NCKAP5: variants seen among roughly 807,000 people sequenced by gnomAD.
The protein encoded by NCKAP5 is nck-associated protein 5.
NCKAP5 carries 92 observed loss-of-function variants against 167.0 expected under a neutral mutation model. The observed-to-expected ratio is 0.55, with a 90% CI of 0.47 to 0.66. The LOEUF is 0.66. Among genes scored for constraint, NCKAP5 ranks in the 30% least tolerant of loss-of-function variants. The pLI, the probability that NCKAP5 is intolerant of heterozygous loss-of-function variation, is 0.00. For synonymous variants in NCKAP5, 891 were observed against 877.4 expected (o/e 1.02, Z -0.27); for missense variants, 2,378 against 2,315.0 (o/e 1.03, Z -0.56).
chr2:133,113,855 G>C (rs1464945699), intron 6 of NCKAP5, among the ~76,000 whole-genome samples: 1 of 152,150 alleles, frequency 6.6e-6, no homozygotes, highest in Non-Finnish European at 1.5e-5. Flanking sequence ...AGAAGAAAGG[G>C]AGCCAACCAA....
chr2:132,999,069 A>AG (rs1367664064), intron 6 of NCKAP5, among the ~76,000 whole-genome samples: 2 of 152,228 alleles, frequency 1.3e-5, no homozygotes, highest in African/African-American at 2.4e-5. Flanking sequence ...CATCAAGTGA[A>AG]CTATTTTTAA....
At chr2:132,675,563 A>C (rs1684329041) in intron 19 of NCKAP5, among the ~76,000 whole-genome samples, 1 of 152,160 alleles carries the variant, frequency 6.6e-6, no homozygotes, top group African/African-American at 2.4e-5. Flanking sequence ...GAGGGCCAGC[A>C]ATCAGTTTTT....
intron 3 of NCKAP5, among the ~76,000 whole-genome samples, chr2:133,449,623 A>G (rs1426154251): frequency 6.6e-6 from 1 of 152,192 alleles, no homozygotes; most frequent in South Asian, 2.1e-4. Context: ...TTTTAATGAT[A>G]TGACTCTTCA....
chr2:133,073,939 T>C, intron 6 of NCKAP5, among the ~76,000 whole-genome samples: 1 of 152,216 alleles, frequency 6.6e-6, no homozygotes. Flanking sequence ...TGGCTGCAAC[T>C]TAAGACTAGT....
intron 16 of NCKAP5, among the ~76,000 whole-genome samples, chr2:132,768,636 T>C (rs1224941008): frequency 4.4e-5 from 6 of 135,990 alleles, no homozygotes; most frequent in South Asian, 2.4e-4. Context: ...GTTAATAATA[T>C]CTTTTTTTTT....
chr2:133,144,566 T>C (rs1174388610), intron 5 of NCKAP5, among the ~76,000 whole-genome samples: 2 of 152,118 alleles, frequency 1.3e-5, no homozygotes, highest in Non-Finnish European at 2.9e-5. Context: ...TTAATGAAAC[T>C]GTAGCTACTG....
chr2:132,995,759 G>A (rs1169145016), intron 6 of NCKAP5, among the ~76,000 whole-genome samples: 2 of 152,090 alleles, frequency 1.3e-5, no homozygotes, highest in Non-Finnish European at 2.9e-5. Context: ...TGGATCACCT[G>A]AGGTCATGAG....
At chr2:133,071,163 C>G (rs748153472) in intron 6 of NCKAP5, among the ~76,000 whole-genome samples, 60 of 152,142 alleles carry the variant, frequency 3.9e-4, no homozygotes, top group Non-Finnish European at 7.2e-4. Flanking sequence ...CAGGGAACAA[C>G]AGAAAAGTAA....
intron 6 of NCKAP5, among the ~76,000 whole-genome samples, chr2:133,074,828 C>T (rs2080544224): frequency 6.6e-6 from 1 of 152,108 alleles, no homozygotes; most frequent in South Asian, 2.1e-4. Flanking sequence ...AATATGGTCT[C>T]AGAGACCTAT....
At chr2:132,839,865 C>A (rs2105415790) in intron 11 of NCKAP5, among the ~76,000 whole-genome samples, 1 of 148,012 alleles carries the variant, frequency 6.8e-6, no homozygotes, top group African/African-American at 2.5e-5. Flanking sequence ...GTATATTATA[C>A]ATTTTCTATA....
intron 4 of NCKAP5, among the ~76,000 whole-genome samples, chr2:133,239,819 C>A (rs2087595737): frequency 6.6e-6 from 1 of 152,198 alleles, no homozygotes; most frequent in East Asian, 1.9e-4. Flanking sequence ...AGCACTTGTT[C>A]CATTTTTAAG....
intron 3 of NCKAP5, among the ~76,000 whole-genome samples, chr2:133,513,219 A>G (rs1027333481): frequency 6.6e-6 from 1 of 152,218 alleles, no homozygotes; most frequent in Non-Finnish European, 1.5e-5. Context: ...ATGGGAAAAG[A>G]AAAGGTGCCA....
intron 16 of NCKAP5, among the ~76,000 whole-genome samples, chr2:132,770,228 G>A (rs1008800712): frequency 7.2e-5 from 11 of 151,922 alleles, no homozygotes; most frequent in East Asian, 1.9e-4. Flanking sequence ...ATATGTGGCC[G>A]AAAAAGGTAC....
At chr2:133,224,863 C>CA (rs958348353) in intron 4 of NCKAP5, among the ~76,000 whole-genome samples, 6 of 151,590 alleles carry the variant, frequency 4.0e-5, no homozygotes, top group South Asian at 2.1e-4. Flanking sequence ...TCAAACACTT[C>CA]AAAAAAAAGC....
intron 2 of NCKAP5, among the ~76,000 whole-genome samples, chr2:133,543,010 G>C (rs1445933141): frequency 6.6e-6 from 1 of 152,080 alleles, no homozygotes; most frequent in East Asian, 1.9e-4. Context: ...AGTATGATAT[G>C]GTTTAAATGT....
chr2:133,589,644 G>GAT, the NCKAP5 span, among the ~76,000 whole-genome samples: 1 of 152,188 alleles, frequency 6.6e-6, no homozygotes, highest in African/African-American at 2.4e-5. Flanking sequence ...AGACAGTGAG[G>GAT]TAATGTTCAG....
rs577406309 is a variant in NCKAP5, at chr2:132,842,862, T to C, written c.807+17630A>G. On this transcript the variant is annotated intron_variant, in intron 11 of 19. Coordinates refer to ENST00000409261, the MANE Select transcript of NCKAP5 (RefSeq NM_207363.3). Reference sequence around the variant, plus strand: ...CCCAATTTCCATTTTTTCTGTCTCATGTAAATTTTCTATTTTTGCTGTGTC... The same window carrying C: ...CCCAATTTCCATTTTTTCTGTCTCACGTAAATTTTCTATTTTTGCTGTGTC... Among the ~76,000 whole-genome samples the C allele has an allele frequency of 3.9e-5, 6 of 152,282 alleles. No homozygotes were observed. In the East Asian group the frequency reaches 7.7e-4, roughly 20 times the overall value.
chr2:133,378,942 C>T (rs1337992664), intron 3 of NCKAP5, among the ~76,000 whole-genome samples: 2 of 152,134 alleles, frequency 1.3e-5, no homozygotes, highest in Non-Finnish European at 2.9e-5. Context: ...CTAATTATTT[C>T]AATAAACGAG....
chr2:133,501,841 T>C (rs1682545560), intron 3 of NCKAP5, among the ~76,000 whole-genome samples: 1 of 152,256 alleles, frequency 6.6e-6, no homozygotes, highest in Admixed American at 6.5e-5. Flanking sequence ...CAATTTTTCA[T>C]GAATTCTCTC....
Sources: allele counts gnomAD v4.1 joint callset (sites outside exome capture counted in the v4.1 genomes callset), GRCh38; gene constraint gnomAD v4.1.1; transcripts MANE v1.5; gene names NCBI Gene and HGNC (gene_info 2026-07-23, HGNC 2026-07-21).